The following PCID2 variants were observed in gnomAD, a reference collection of about 807,000 sequenced individuals.
The protein encoded by PCID2 is PCI domain containing 2.
Under a neutral mutation model 61.3 loss-of-function variants are expected in PCID2, and 41 were observed. The ratio of observed to expected loss-of-function variants is 0.67; its 90% CI spans 0.52 to 0.87. PCID2 has a LOEUF of 0.87. PCID2 is among the 40% of genes least tolerant of loss of function. PCID2 has a pLI of 0.00. For missense variants in PCID2, 392 were observed against 493.4 expected (o/e 0.79, Z 1.95); for synonymous variants, 187 against 177.8 (o/e 1.05, Z -0.41).
In PCID2 at chr13:113,201,348, G is replaced by A. The variant is rs141407960; in HGVS notation, c.37-832C>T. Among the ~76,000 whole-genome samples the A allele has an allele frequency of 4.9e-3, 749 of 152,208 alleles. 4 individuals are homozygous for A. Among genetic ancestry groups the A allele is most frequent in the African/African-American group, 0.016 (682 of 41,532 alleles). On this transcript the variant is annotated intron_variant, in intron 1 of 13. Coordinates refer to ENST00000337344, the MANE Select transcript of PCID2 (RefSeq NM_001127202.4). ...GGAGAAAAAAGAAGAGAAAAATTAC[G>A]TACAACATGCAGGCACAGGAAAGAA... is the stretch of plus-strand genomic sequence containing the variant.
Position 113,185,130 on chromosome 13 carries a change from A to G in PCID2, c.543+355T>C, listed in dbSNP as rs930878088. Among the ~76,000 whole-genome samples, 6 of 152,298 alleles carry G rather than the reference A, an allele frequency of 3.9e-5. No homozygotes were observed. The South Asian group carries it at 1.0e-3, about 26-fold the overall frequency. ...TATCCATCTACGTGCCTGCTTTTCC[A>G]TAGTTAATTATGACCACAGAAGACA... On this transcript the variant is annotated intron_variant, in intron 8 of 13. Transcript: ENST00000337344.
chr13:113,208,360 A>C, intron 1 of PCID2: 2 of 1,432,106 alleles, frequency 1.4e-6, no homozygotes, highest in Admixed American at 5.7e-5. Flanking sequence ...CACCGCGACG[A>C]CTCCGCGATC....
chr13:113,208,006 T>G (rs2040040676), intron 1 of PCID2: 1 of 1,607,624 alleles, frequency 6.2e-7, no homozygotes, highest in Non-Finnish European at 8.5e-7. Context: ...ATCTTTTAAC[T>G]GTGCTTCTGC....
At chr13:113,196,737 C>G (rs933556693) in intron 4 of PCID2, among the ~76,000 whole-genome samples, 3 of 152,152 alleles carry the variant, frequency 2.0e-5, no homozygotes, top group Admixed American at 2.0e-4. Context: ...CTAAAGATAC[C>G]CTTTAAATGA....
chr13:113,189,034 A>T (rs1020991528), intron 7 of PCID2, among the ~76,000 whole-genome samples: 1 of 152,082 alleles, frequency 6.6e-6, no homozygotes, highest in Non-Finnish European at 1.5e-5. Flanking sequence ...TTTTTGGGTC[A>T]TGGGGGTGGA....
Position 113,202,779 on chromosome 13 carries a change from G to T in PCID2, c.37-2263C>A, listed in dbSNP as rs111415385. On this transcript the variant is annotated intron_variant, in intron 1 of 13. Coordinates refer to ENST00000337344, the MANE Select transcript of PCID2 (RefSeq NM_001127202.4). ...ATGCAAATGATTATCTTTCTAGAGA[G>T]GGGGGTGGAATGAGGTGAGAGAGAG... Among the ~76,000 whole-genome samples, 5 of 152,304 alleles carry T rather than the reference G, an allele frequency of 3.3e-5. 1 individual carries two copies. The highest frequency in any genetic ancestry group is 1.2e-4 in the African/African-American group (5 of 41,568).
chr13:113,198,938 G>A (rs1035666502), intron 2 of PCID2, among the ~76,000 whole-genome samples: 2 of 152,218 alleles, frequency 1.3e-5, no homozygotes, highest in African/African-American at 4.8e-5. Flanking sequence ...TACAGATGGT[G>A]CTATGTTAGG....
At chr13:113,208,561 C>G in intron 1 of PCID2, 38 bp downstream of exon 1, 1 of 1,601,786 alleles carries the variant, frequency 6.2e-7, no homozygotes. Flanking sequence ...ACGCCGAGGG[C>G]CAACCACGCC....
the PCID2 span, chr13:113,165,199 G>T: frequency 6.9e-7 from 1 of 1,443,190 alleles, no homozygotes; most frequent in South Asian, 1.2e-5. Context: ...TAGAAATGTT[G>T]ACAACTAAGT....
chr13:113,184,537 G>C, intron 8 of PCID2, 50 bp from the exon 9 acceptor site: 1 of 1,123,056 alleles, frequency 8.9e-7, no homozygotes, highest in Non-Finnish European at 1.3e-6. Context: ...ACAAAAACAG[G>C]TGGCAAAACA....
intron 1 of PCID2, among the ~76,000 whole-genome samples, chr13:113,207,814 C>A (rs2040010885): frequency 1.3e-5 from 2 of 152,208 alleles, no homozygotes; most frequent in African/African-American, 4.8e-5. Flanking sequence ...GCCTGGGAAT[C>A]ATTCTTAACT....
chr13:113,207,557 A>G (rs1649245808), intron 1 of PCID2, among the ~76,000 whole-genome samples: 1 of 152,254 alleles, frequency 6.6e-6, no homozygotes, highest in Admixed American at 6.5e-5. Flanking sequence ...TGGTGTAAAA[A>G]AAAAATTGGC....
chr13:113,194,179 T>C (rs7330227), intron 6 of PCID2, among the ~76,000 whole-genome samples: 2,604 of 152,250 alleles, frequency 0.017, 72 homozygotes, highest in African/African-American at 0.058. Flanking sequence ...CCACCCCCAG[T>C]CCGCACCACT....
At chr13:113,200,148 C>T (rs941714715) in intron 2 of PCID2, among the ~76,000 whole-genome samples, 1 of 152,164 alleles carries the variant, frequency 6.6e-6, no homozygotes, top group African/African-American at 2.4e-5. Context: ...TAGACAGAAT[C>T]TAAGCTCCAC....
chr13:113,196,942 A>G, intron 4 of PCID2: 2 of 1,054,044 alleles, frequency 1.9e-6, no homozygotes, highest in Non-Finnish European at 3.0e-6. Flanking sequence ...TCAGCAGAGT[A>G]AGATCCTTCT....
chr13:113,174,997 G>A (rs1168265319), downstream of PCID2, among the ~76,000 whole-genome samples: 11 of 152,240 alleles, frequency 7.2e-5, no homozygotes, highest in South Asian at 2.1e-4. Flanking sequence ...ATTGGATCAC[G>A]GGGGCGGCTC....
At chr13:113,184,230 G>C in intron 9 of PCID2, 116 bp downstream of exon 9, 1 of 987,192 alleles carries the variant, frequency 1.0e-6, no homozygotes, top group Non-Finnish European at 1.5e-6. Flanking sequence ...TATATAACTT[G>C]GTCCACATTT....
intron 7 of PCID2, 92 bp from the exon 8 acceptor site, chr13:113,185,652 G>A: frequency 1.3e-6 from 1 of 781,318 alleles, no homozygotes; most frequent in South Asian, 1.6e-5. Context: ...TTAATATCTT[G>A]AGGTAAGTCC....
rs2037404817 is a variant in PCID2 at position 113,179,344 on chromosome 13, T to C, written c.987-255A>G. Among the ~76,000 whole-genome samples, 1 of 152,138 alleles carries C rather than the reference T, an allele frequency of 6.6e-6. No individual in the cohort carries two copies. The highest frequency in any genetic ancestry group is 1.5e-5 in the Non-Finnish European group (1 of 68,016). Reference sequence around the variant, plus strand: ...TAAGGTTCGGTTTTTTTTTTCACATTTTAATCTCCCTGAAATCAGGAAGCA... The same window carrying C: ...TAAGGTTCGGTTTTTTTTTTCACATCTTAATCTCCCTGAAATCAGGAAGCA... On this transcript the variant is annotated intron_variant, in intron 12 of 13. Transcript: ENST00000337344. The surrounding 1 kb of genome is among the most constrained non-coding windows in gnomAD (Gnocchi z 4.3).
Sources: gnomAD v4.1 joint callset for allele counts (sites outside exome capture counted in the v4.1 genomes callset) on GRCh38, gnomAD v4.1.1 for gene constraint, Gnocchi (gnomAD v3.1) non-coding constraint, MANE v1.5 for transcripts, NCBI Gene and HGNC (gene_info 2026-07-23, HGNC 2026-07-21) for gene names.